The following ST7 variants were observed in gnomAD, a reference collection of about 807,000 sequenced individuals.
The protein encoded by ST7 is suppressor of tumorigenicity 7 protein.
Under a neutral mutation model 78.7 loss-of-function variants are expected in ST7, and 28 were observed. That is an observed-to-expected ratio of 0.36 (90% CI 0.26 to 0.49). The LOEUF (loss-of-function observed/expected upper bound fraction) is 0.49. ST7 is among the 20% of genes least tolerant of loss of function. The pLI is 0.99. For synonymous variants in ST7, 247 were observed against 249.6 expected (o/e 0.99, Z 0.10); for missense variants, 418 against 696.0 (o/e 0.60, Z 4.49).
Position 117,136,119 on chromosome 7 carries a change from C to A in ST7, c.749C>A (p.Ala250Glu). 2 of 1,613,460 alleles carry A rather than the reference C, an allele frequency of 1.2e-6. No homozygotes were observed. Among genetic ancestry groups the A allele is most frequent in the Non-Finnish European group, 8.5e-7 (1 of 1,179,590 alleles). The change falls in exon 8 of 16, where the codon GCA becomes GAA. Residue 250 changes from alanine to glutamate, a missense_variant. Physicochemically the swap from Ala to Glu is moderately radical, Grantham distance 107. Transcript: ENST00000323984. ...TAYILLAEEE[A>E]TTIAEAEKLF... Reference sequence around the variant, plus strand: ...TATATTCTCTTGGCTGAAGAGGAAGCAACAACCATTGCTGAAGCAGAAAAA... The same window carrying A: ...TATATTCTCTTGGCTGAAGAGGAAGAAACAACCATTGCTGAAGCAGAAAAA...
chr7:117,178,844 GA>G (rs1220876847), intron 10 of ST7, among the ~76,000 whole-genome samples: 1 of 152,068 alleles, frequency 6.6e-6, no homozygotes, highest in Non-Finnish European at 1.5e-5. Flanking sequence ...CAAGATTATT[GA>G]ATTAAAGTTT....
chr7:117,123,424 A>C (rs1020190666), intron 3 of ST7, among the ~76,000 whole-genome samples: 1 of 152,202 alleles, frequency 6.6e-6, no homozygotes, highest in East Asian at 1.9e-4. Flanking sequence ...GCCTGAATGC[A>C]GACTTGCTCA....
chr7:116,996,976 G>A (rs112469049), intron 1 of ST7, among the ~76,000 whole-genome samples: 4,231 of 152,270 alleles, frequency 0.028, 78 homozygotes, highest in Non-Finnish European at 0.046. Flanking sequence ...ATTGTGTCCG[G>A]AATTCGTGGG....
intron 4 of ST7, 33 bp from the exon 5 acceptor site, chr7:117,130,458 A>G (rs1804254554): frequency 1.3e-6 from 2 of 1,521,558 alleles, no homozygotes; most frequent in Non-Finnish European, 1.8e-6. Context: ...TTCTCTCTCA[A>G]AAGTGTCTAA....
intron 15 of ST7, among the ~76,000 whole-genome samples, chr7:117,227,458 A>T (rs968899142): frequency 6.6e-6 from 1 of 151,636 alleles, no homozygotes; most frequent in Non-Finnish European, 1.5e-5. Flanking sequence ...TAACACTTTA[A>T]CTCCTCTTTA....
intron 10 of ST7, among the ~76,000 whole-genome samples, chr7:117,171,946 CTT>C (rs35780344): frequency 3.9e-4 from 52 of 132,742 alleles, no homozygotes; most frequent in Non-Finnish European, 4.6e-4. Flanking sequence ...CCATTTGGGT[CTT>C]TTTTTTTTTT....
intron 9 of ST7, among the ~76,000 whole-genome samples, chr7:117,163,357 T>C (rs1181499302): frequency 1.3e-5 from 2 of 152,224 alleles, no homozygotes; most frequent in Non-Finnish European, 2.9e-5. Flanking sequence ...ACCTCTATAC[T>C]GTTCTCCATA....
chr7:117,147,364 T>C (rs1805877734), intron 9 of ST7, among the ~76,000 whole-genome samples: 1 of 152,192 alleles, frequency 6.6e-6, no homozygotes, highest in Admixed American at 6.5e-5. Context: ...AGTCCTGCAA[T>C]TTCACTCTTC....
chr7:116,997,302 T>C (rs373925278), intron 1 of ST7, among the ~76,000 whole-genome samples: 1 of 152,214 alleles, frequency 6.6e-6, no homozygotes, highest in African/African-American at 2.4e-5. Flanking sequence ...TCGGGCAGCC[T>C]ACTTTTATTC....
At chr7:117,038,909 T>G (rs933608153) in intron 1 of ST7, among the ~76,000 whole-genome samples, 1 of 152,200 alleles carries the variant, frequency 6.6e-6, no homozygotes, top group South Asian at 2.1e-4. Context: ...TCTTACAGTT[T>G]TTGAGTGATT....
chr7:117,011,375 G>A (rs1453459909), intron 1 of ST7, among the ~76,000 whole-genome samples: 1 of 152,190 alleles, frequency 6.6e-6, no homozygotes, highest in Non-Finnish European at 1.5e-5. Flanking sequence ...TAGAAAAGGA[G>A]TAGGTATCAG....
At chr7:116,965,264 C>T (rs1163684305) in intron 1 of ST7, among the ~76,000 whole-genome samples, 6 of 149,408 alleles carry the variant, frequency 4.0e-5, no homozygotes, top group African/African-American at 9.9e-5. Context: ...GGCGTGAACC[C>T]GGGAGGCGGA....
intron 6 of ST7, among the ~76,000 whole-genome samples, chr7:117,133,194 G>A (rs1003640914): frequency 6.6e-6 from 1 of 151,732 alleles, no homozygotes; most frequent in Non-Finnish European, 1.5e-5. Context: ...TCTGTAGTTT[G>A]GGAAGTCTGC....
At chr7:117,113,831 G>A (rs779042980) in intron 2 of ST7, among the ~76,000 whole-genome samples, 13 of 152,024 alleles carry the variant, frequency 8.6e-5, no homozygotes, top group Admixed American at 2.6e-4. Context: ...CTAGAGGACA[G>A]CTGGCAGGGC....
intron 8 of ST7, chr7:117,136,621 T>A (rs1444201022): frequency 5.8e-6 from 2 of 346,906 alleles, no homozygotes; most frequent in Non-Finnish European, 1.0e-5. Flanking sequence ...AGGTTTTATC[T>A]TATAGATCTT....
intron 1 of ST7, among the ~76,000 whole-genome samples, chr7:116,980,701 A>C (rs1289905148): frequency 6.6e-6 from 1 of 152,250 alleles, no homozygotes; most frequent in Non-Finnish European, 1.5e-5. Flanking sequence ...AGTTGAAAGT[A>C]CAGTACAGTT....
intron 1 of ST7, among the ~76,000 whole-genome samples, chr7:117,025,658 G>A (rs995633936): frequency 9.2e-5 from 14 of 152,080 alleles, no homozygotes; most frequent in African/African-American, 3.1e-4. Flanking sequence ...AAATAATTAT[G>A]GATTATAGGC....
At chr7:117,070,830 A>C (rs1798903450) in intron 1 of ST7, among the ~76,000 whole-genome samples, 1 of 152,076 alleles carries the variant, frequency 6.6e-6, no homozygotes, top group Admixed American at 6.5e-5. Context: ...GGCGTGAGCC[A>C]CCGCGCCCGG....
At chr7:117,052,554 A>G (rs1797839558) in intron 1 of ST7, among the ~76,000 whole-genome samples, 1 of 152,242 alleles carries the variant, frequency 6.6e-6, no homozygotes, top group African/African-American at 2.4e-5. Context: ...TTTGTACACA[A>G]TCACTTACAA....
Sources: gnomAD v4.1 joint callset for allele counts (sites outside exome capture counted in the v4.1 genomes callset) on GRCh38, gnomAD v4.1.1 for gene constraint, MANE v1.5 for transcripts, NCBI Gene and HGNC (gene_info 2026-07-23, HGNC 2026-07-21) for gene names.